The following RAB11FIP3 variants were observed in gnomAD, a reference collection of about 807,000 sequenced individuals.
RAB11FIP3 encodes the protein rab11 family-interacting protein 3.
A neutral mutation model predicts 77.8 loss-of-function variants in RAB11FIP3; 17 were observed. That is an observed-to-expected ratio of 0.22 (90% CI 0.15 to 0.33). RAB11FIP3 has a LOEUF of 0.33. Ranked by LOEUF, RAB11FIP3 falls within the 10% of genes least tolerant of loss-of-function variation. The pLI is 1.00. For synonymous variants in RAB11FIP3, 437 were observed against 448.2 expected, an observed-to-expected ratio of 0.98 and a Z score of 0.31; for missense variants, 1,005 against 1,011.2, an observed-to-expected ratio of 0.99 and a Z score of 0.08.
At chr16:484,545 G>A (rs960523981) in intron 4 of RAB11FIP3, among the ~76,000 whole-genome samples, 2 of 152,088 alleles carry the variant, frequency 1.3e-5, no homozygotes, top group African/African-American at 4.8e-5. Flanking sequence ...TAGAGACGGG[G>A]TTTCACCATG....
intron 1 of RAB11FIP3, chr16:439,353 G>A (rs778381418): frequency 3.9e-5 from 6 of 152,216 alleles, no homozygotes; most frequent in East Asian, 1.9e-4. Flanking sequence ...AACCCGTAAC[G>A]ATTGTGATCA....
chr16:492,426 C>T (rs2030510738), intron 5 of RAB11FIP3, among the ~76,000 whole-genome samples: 1 of 81,084 alleles, frequency 1.2e-5, no homozygotes, highest in African/African-American at 5.4e-5. Context: ...CAGGGCCCTC[C>T]CCGGGAGACC....
At chr16:449,556 G>T (rs1004466408) in intron 1 of RAB11FIP3, among the ~76,000 whole-genome samples, 2 of 151,816 alleles carry the variant, frequency 1.3e-5, no homozygotes, top group African/African-American at 4.8e-5. Flanking sequence ...TGAGGTGGGA[G>T]GATCGCTTGA....
At chr16:520,700 G>A in intron 13 of RAB11FIP3, 26 bp from the exon 14 acceptor site, 1 of 1,613,156 alleles carries the variant, frequency 6.2e-7, no homozygotes, top group Middle Eastern at 1.7e-4. Flanking sequence ...ATGCGCCTCA[G>A]CTCTGACCAC....
At chr16:478,318 G>A (rs534511657) in intron 3 of RAB11FIP3, among the ~76,000 whole-genome samples, 256 of 151,610 alleles carry the variant, frequency 1.7e-3, no homozygotes, top group African/African-American at 5.6e-3. Flanking sequence ...TCAGCCCCCC[G>A]AGTAGCTGGG....
chr16:457,183 T>C (rs1414657000), intron 1 of RAB11FIP3, among the ~76,000 whole-genome samples: 14 of 152,336 alleles, frequency 9.2e-5, no homozygotes, highest in Admixed American at 6.5e-4. Flanking sequence ...CAGTGTGTTA[T>C]TCGAGAATCC....
intron 10 of RAB11FIP3, among the ~76,000 whole-genome samples, chr16:519,272 G>T (rs2032560503): frequency 6.6e-6 from 1 of 152,246 alleles, no homozygotes; most frequent in African/African-American, 2.4e-5. Context: ...CCAAGGGGAA[G>T]GCATCAGCCA....
At chr16:431,524 C>T (rs574280661) in intron 1 of RAB11FIP3, among the ~76,000 whole-genome samples, 4 of 152,160 alleles carry the variant, frequency 2.6e-5, no homozygotes, top group East Asian at 3.9e-4. Flanking sequence ...GGACTACAGG[C>T]GTGCAACGCC....
intron 1 of RAB11FIP3, among the ~76,000 whole-genome samples, chr16:429,066 G>A (rs2054996234): frequency 6.6e-6 from 1 of 152,112 alleles, no homozygotes; most frequent in South Asian, 2.1e-4. Flanking sequence ...ACTTGGGCCG[G>A]CTTCCTGGGA....
intron 3 of RAB11FIP3, among the ~76,000 whole-genome samples, chr16:480,386 A>G (rs7500966): frequency 0.41 from 61,576 of 151,642 alleles, 13,963 homozygotes; most frequent in Middle Eastern, 0.54. Context: ...GCTTAATGGC[A>G]TGATATCAGC....
chr16:456,888 C>T (rs751411311), intron 1 of RAB11FIP3, among the ~76,000 whole-genome samples: 99 of 152,108 alleles, frequency 6.5e-4, no homozygotes, highest in Admixed American at 1.0e-3. Context: ...AAGAAGTGTC[C>T]GTGCCATCGG....
intron 5 of RAB11FIP3, among the ~76,000 whole-genome samples, chr16:496,238 A>G (rs1447388513): frequency 6.6e-6 from 1 of 152,164 alleles, no homozygotes; most frequent in African/African-American, 2.4e-5. Context: ...ACAACTTTGG[A>G]CCTCAGAAAT....
chr16:491,194 C>T (rs1342030236), intron 5 of RAB11FIP3: 2 of 1,304,580 alleles, frequency 1.5e-6, no homozygotes, highest in African/African-American at 1.5e-5. Context: ...TTGAGTTTTA[C>T]TGTAGCCAGT....
At position 519,001 on chromosome 16, in the gene RAB11FIP3, G is replaced by A. The variant is rs1352571823; in HGVS notation, c.1699G>A (p.Ala567Thr). The A allele has an allele frequency of 6.2e-7, 1 of 1,613,562 alleles. No individual in the cohort carries two copies. The highest frequency in any genetic ancestry group is 1.3e-5 in the African/African-American group (1 of 75,070). ...ELRSCTPCLK[A>T]NIERLEEEKQ... is the part of the protein sequence containing the mutation. ...CCGGTCCTGCACGCCCTGTCTGAAG[G>A]CCAACATTGAGCGTCTGGAGGAGGT... The change falls in exon 10 of 14, where the codon GCC (alanine) becomes ACC (threonine). Residue 567 changes from alanine (A) to threonine (T), a missense_variant. This residue lies in a region of RAB11FIP3 where 433 missense variants were observed against 436.1 expected (regional missense o/e 0.99). Coordinates refer to ENST00000262305, the MANE Select transcript of RAB11FIP3 (RefSeq NM_014700.4).
intron 1 of RAB11FIP3, among the ~76,000 whole-genome samples, chr16:442,114 G>A (rs1400568505): frequency 6.6e-6 from 1 of 152,186 alleles, no homozygotes; most frequent in Non-Finnish European, 1.5e-5. Context: ...TGGGATTACA[G>A]GCATGAGCCA....
intron 2 of RAB11FIP3, among the ~76,000 whole-genome samples, chr16:470,641 GTGCCTTT>G (rs2055791354): frequency 6.6e-6 from 1 of 152,230 alleles, no homozygotes; most frequent in South Asian, 2.1e-4. Context: ...CTGGAAGCCA[GTGCCTTT>G]TCCTACAGGA....
At chr16:516,618 T>C (rs2032428894) in intron 9 of RAB11FIP3, among the ~76,000 whole-genome samples, 1 of 151,548 alleles carries the variant, frequency 6.6e-6, no homozygotes, top group Non-Finnish European at 1.5e-5. Context: ...GGCTCACGCC[T>C]GTAACCCCAG....
At chr16:508,702 C>T (rs1017162970) in intron 8 of RAB11FIP3, among the ~76,000 whole-genome samples, 10 of 152,168 alleles carry the variant, frequency 6.6e-5, no homozygotes, top group South Asian at 2.1e-4. Flanking sequence ...ATCTGGAAAA[C>T]GCGTCCTTTC....
At chr16:447,301 T>C (rs2055333061) in intron 1 of RAB11FIP3, among the ~76,000 whole-genome samples, 1 of 151,834 alleles carries the variant, frequency 6.6e-6, no homozygotes, top group African/African-American at 2.4e-5. Context: ...TAAGACCCTG[T>C]CTCCAAAAAG....
Sources: allele counts gnomAD v4.1 joint callset (sites outside exome capture counted in the v4.1 genomes callset), GRCh38; gene constraint gnomAD v4.1.1; regional missense constraint gnomAD v4.1.1; transcripts MANE v1.5; gene names NCBI Gene and HGNC (gene_info 2026-07-23, HGNC 2026-07-21).